The following NBPF11 variants were observed in gnomAD, a reference collection of about 807,000 sequenced individuals.
NBPF11 encodes the protein NBPF family member NBPF11.
A neutral mutation model predicts 93.9 loss-of-function variants in NBPF11; 72 were observed. The ratio of observed to expected loss-of-function variants is 0.77; its 90% CI spans 0.63 to 0.93. The LOEUF (loss-of-function observed/expected upper bound fraction) is 0.93, where lower values mean the gene tolerates loss of function less well. Among genes scored for constraint, NBPF11 ranks in the 40% least tolerant of loss-of-function variants. The pLI, the probability that NBPF11 is intolerant of heterozygous loss-of-function variation, is 0.00. For missense variants in NBPF11, 705 were observed against 802.2 expected (o/e 0.88, Z 1.46); for synonymous variants, 224 against 304.9 (o/e 0.73, Z 2.76).
At chr1:148,130,424 TA>T (rs1373608383) in intron 4 of NBPF11, among the ~76,000 whole-genome samples, 2 of 149,988 alleles carry the variant, frequency 1.3e-5, no homozygotes, top group African/African-American at 2.5e-5. Flanking sequence ...TGTAATATGC[TA>T]ACAAAATTGA....
intron 13 of NBPF11, among the ~76,000 whole-genome samples, 172 bp downstream of exon 13, chr1:148,116,291 A>G (rs1278456624): frequency 3.3e-5 from 5 of 152,046 alleles, no homozygotes; most frequent in Admixed American, 1.3e-4. Context: ...CTCGGCACAC[A>G]TAGAGAAACA....
In NBPF11 at chr1:148,103,584, A is replaced by G; in HGVS notation, c.*312T>C. The G allele has an allele frequency of 3.1e-6, 5 of 1,607,246 alleles. No homozygotes were observed. Among genetic ancestry groups the G allele is most frequent in the Non-Finnish European group, 4.2e-6 (5 of 1,176,634 alleles). On this transcript the variant is annotated 3_prime_UTR_variant, in exon 24 of 24. Transcript: ENST00000682118. ...GACCCATCCTATGTCTGGGCTTCCA[A>G]ATGGAACTATAGTTTCATTCAAATC...
Position 148,145,193 on chromosome 1 carries a change from T to TTTTC in NBPF11, c.-548-1511_-548-1508dup, listed in dbSNP as rs1166145075. 8.3e-3 allele frequency among the ~76,000 whole-genome samples: 1,117 copies of TTTTC among 134,194 alleles called. 5 individuals are homozygous for TTTTC. The highest frequency in any genetic ancestry group is 0.014 in the East Asian group (56 of 3,986). 88.0% of individuals were successfully genotyped at this position (134,194 alleles called of 152,430 possible). A position where few individuals can be genotyped will look rare whatever the true frequency, so the allele number is the denominator to read the frequency against. ...TTCTTAGGCTAGGCATTGATTTCTT[T>TTTTC]TTTCTTTCTTTTTTTTTTTTTTTTT... On this transcript the variant is annotated intron_variant, in intron 1 of 23. Transcript: ENST00000682118.
chr1:148,146,548 C>A, intron 1 of NBPF11: 32 of 1,604,640 alleles, frequency 2.0e-5, no homozygotes, highest in Non-Finnish European at 2.7e-5. Context: ...CGGGGCCGCC[C>A]CCTTGGGGAC....
chr1:148,103,395 T>G lies in NBPF11; in HGVS notation c.*501A>C. On this transcript the variant is annotated 3_prime_UTR_variant, in exon 24 of 24. Coordinates refer to ENST00000682118, the MANE Select transcript of NBPF11 (RefSeq NM_001385469.3). ...TGAAATCCCTGAGGAATTTTGTAGC[T>G]ACCCAGAGATACGTGGTTCAAATTA... 2.0e-6 allele frequency: 1 copy of G among 498,766 alleles called. No individual in the cohort carries two copies. The highest frequency in any genetic ancestry group is 3.6e-6 in the Non-Finnish European group (1 of 281,438). The allele number at this position is 498,766 out of a possible 1,614,324, so 30.9% of individuals were successfully genotyped here. A position where few individuals can be genotyped will look rare whatever the true frequency, so the allele number is the denominator to read the frequency against.
At chr1:148,129,143 C>CGTGT (rs1553273824) in intron 4 of NBPF11, among the ~76,000 whole-genome samples, 196 of 141,488 alleles carry the variant, frequency 1.4e-3, no homozygotes, top group South Asian at 3.7e-3. Context: ...TATATATACA[C>CGTGT]ATGTATATAT....
At position 148,110,353 on chromosome 1, in the gene NBPF11, A is replaced by T. The variant is rs1262057203; in HGVS notation, c.1801+25T>A. On this transcript the variant is annotated intron_variant, in intron 16 of 23. Transcript: ENST00000682118. ...TACCTGGGCCATGAACTGGAGCTTT[A>T]TCACCTTCACAATGGAGTACTCACT... 3.2e-5 allele frequency: 51 copies of T among 1,571,762 alleles called. 2 individuals carry two copies. Among genetic ancestry groups the T allele is most frequent in the Non-Finnish European group, 4.4e-5 (50 of 1,145,140 alleles).
At chr1:148,149,231 G>A (rs2149315944) in intron 1 of NBPF11, 2 of 1,560,812 alleles carry the variant, frequency 1.3e-6, no homozygotes, top group Non-Finnish European at 8.7e-7. Context: ...CATGGACCTG[G>A]CCTCGCGCTA....
At chr1:148,108,189 G>T (rs1171984698) in intron 18 of NBPF11, among the ~76,000 whole-genome samples, 1 of 149,130 alleles carries the variant, frequency 6.7e-6, no homozygotes, top group South Asian at 2.1e-4. Flanking sequence ...CTACAGAATT[G>T]AGACAAAATC....
Position 148,122,119 on chromosome 1 carries a change from T to C in NBPF11, c.714A>G (p.Ser238=). 2 of 1,613,414 alleles carry C rather than the reference T, an allele frequency of 1.2e-6. No homozygotes were observed. The highest frequency in any genetic ancestry group is 1.7e-6 in the Non-Finnish European group (2 of 1,179,528). The change falls in exon 9 of 24, where the codon TCA becomes TCG. Residue 238 remains serine, a synonymous_variant. Transcript: ENST00000682118. The part of the protein sequence containing the change: ...KITFEEDKVN[S]SLVVDRESSH... ...AGGATTCTCTGTCTACAACCAGAGA[T>C]GAGTTGACTTTGTCTTCCTCAAATG...
intron 1 of NBPF11, chr1:148,146,670 G>C: frequency 7.4e-6 from 12 of 1,611,772 alleles, no homozygotes; most frequent in Non-Finnish European, 9.3e-6. Context: ...TCCCCACCAA[G>C]AGCGCCCGCG....
chr1:148,149,571 G>A (rs1647745832), intron 1 of NBPF11: 9 of 1,593,862 alleles, frequency 5.6e-6, no homozygotes, highest in Admixed American at 1.7e-5. Flanking sequence ...GCCTAGCGGC[G>A]GCCCCAACCA....
intron 4 of NBPF11, among the ~76,000 whole-genome samples, chr1:148,134,166 C>A (rs1238404766): frequency 6.2e-4 from 94 of 151,548 alleles, no homozygotes; most frequent in African/African-American, 2.2e-3. Flanking sequence ...TTTCTTAATG[C>A]CTTGGTGAGG....
intron 12 of NBPF11, among the ~76,000 whole-genome samples, chr1:148,116,961 A>T (rs1311200022): frequency 1.3e-4 from 20 of 152,336 alleles, no homozygotes; most frequent in Non-Finnish European, 2.4e-4. Flanking sequence ...CAAGCCTCCA[A>T]GTGGCTTCTG....
chr1:148,102,246 G>A lies in NBPF11; in HGVS notation c.*1650C>T, dbSNP rs1200532641. 1.3e-5 allele frequency: 2 copies of A among 151,834 alleles called. No homozygotes were observed. The highest frequency in any genetic ancestry group is 2.4e-5 in the African/African-American group (1 of 41,092). 9.4% of individuals were successfully genotyped at this position (151,834 alleles called of 1,614,324 possible). A position where few individuals can be genotyped will look rare whatever the true frequency, so the allele number is the denominator to read the frequency against. On this transcript the variant is annotated 3_prime_UTR_variant, in exon 24 of 24. Coordinates refer to ENST00000682118, the MANE Select transcript of NBPF11 (RefSeq NM_001385469.3). Reference sequence around the variant, plus strand: ...ATGTTTTCTTCTTTTTGCAACAGCAGACACTAGTAAAAACAAAGGCACAGT... The same window carrying A: ...ATGTTTTCTTCTTTTTGCAACAGCAAACACTAGTAAAAACAAAGGCACAGT...
At chr1:148,109,165 C>T (rs1664630638) in intron 17 of NBPF11, 119 bp downstream of exon 17, 2 of 814,492 alleles carry the variant, frequency 2.5e-6, no homozygotes, top group Admixed American at 3.4e-5. Context: ...ATGCAGTAGG[C>T]ATAATTCAGA....
chr1:148,126,767 T>C (rs1288163602), intron 5 of NBPF11, 62 bp downstream of exon 5: 12 of 1,551,480 alleles, frequency 7.7e-6, no homozygotes, highest in South Asian at 4.4e-5. Context: ...TTATTTTTGA[T>C]GGAGAGAGCA....
chr1:148,106,860 G>A (rs1386974905), intron 20 of NBPF11, 82 bp downstream of exon 20: 3 of 803,078 alleles, frequency 3.7e-6, no homozygotes, highest in Non-Finnish European at 4.3e-6. Context: ...TCTCGGGTCA[G>A]TAAGGGCCAC....
At chr1:148,114,218 G>C (rs1665941407) in intron 15 of NBPF11, among the ~76,000 whole-genome samples, 1 of 150,494 alleles carries the variant, frequency 6.6e-6, no homozygotes, top group Non-Finnish European at 1.5e-5. Context: ...TGTTTGGCTA[G>C]TTCACCTGGC....
Sources: allele counts gnomAD v4.1 joint callset (sites outside exome capture counted in the v4.1 genomes callset), GRCh38; gene constraint gnomAD v4.1.1; transcripts MANE v1.5; gene names NCBI Gene and HGNC (gene_info 2026-07-23, HGNC 2026-07-21).